The following COQ2 variants were observed in gnomAD, a reference collection of about 807,000 sequenced individuals.
The protein encoded by COQ2 is 4-hydroxybenzoate polyprenyltransferase, mitochondrial.
In COQ2, 25 loss-of-function variants were observed where a neutral mutation model predicts 35.7. The ratio of observed to expected loss-of-function variants is 0.70; its 90% confidence interval spans 0.51 to 0.98. The LOEUF is 0.98. COQ2 is among the 50% of genes least tolerant of loss of function. The probability of loss-of-function intolerance (pLI) is 0.00; values close to 1 mark genes in which losing one functional copy is unlikely to be tolerated. For missense variants in COQ2, 488 were observed against 473.5 expected (o/e 1.03, Z -0.28); for synonymous variants, 206 against 186.2 (o/e 1.11, Z -0.86).
chr4:83,280,081 T>G (rs1314353592), intron 1 of COQ2, among the ~76,000 whole-genome samples: 1 of 152,080 alleles, frequency 6.6e-6, no homozygotes, highest in Non-Finnish European at 1.5e-5. Flanking sequence ...CGTCCCACCT[T>G]GGCCTCCCAA....
upstream of COQ2, chr4:83,285,036 G>A (rs1019824789): frequency 2.8e-5 from 20 of 720,388 alleles, no homozygotes; most frequent in Non-Finnish European, 3.9e-5. Context: ...TGACTTTGTG[G>A]TTCCATTATC....
intron 2 of COQ2, among the ~76,000 whole-genome samples, chr4:83,274,938 C>T (rs1008318917): frequency 6.6e-6 from 1 of 152,206 alleles, no homozygotes; most frequent in Non-Finnish European, 1.5e-5. Context: ...CTCCATTCTG[C>T]TGTTGGGCCC....
chr4:83,276,070 T>TATATATAATATA (rs1553916306), intron 2 of COQ2, among the ~76,000 whole-genome samples: 3,249 of 66,618 alleles, frequency 0.049, 153 homozygotes, highest in African/African-American at 0.14. Flanking sequence ...ATATATATTT[T>TATATATAATATA]ATATATAATA....
At chr4:83,274,253 GCA>G (rs1271994150) in intron 2 of COQ2, among the ~76,000 whole-genome samples, 1 of 152,032 alleles carries the variant, frequency 6.6e-6, no homozygotes, top group Non-Finnish European at 1.5e-5. Flanking sequence ...TTACGAAGTG[GCA>G]CAATCTCAGC....
At chr4:83,274,961 A>G (rs1015907199) in intron 2 of COQ2, among the ~76,000 whole-genome samples, 1 of 152,112 alleles carries the variant, frequency 6.6e-6, no homozygotes, top group Non-Finnish European at 1.5e-5. Flanking sequence ...CCACTGAATT[A>G]TTATTACAAT....
rs1279731084 is a variant in COQ2, at chr4:83,284,686, G to A, written c.79C>T (p.Arg27Cys). 1.4e-6 allele frequency: 2 copies of A among 1,472,372 alleles called. No homozygotes were observed. Among genetic ancestry groups the A allele is most frequent in the Non-Finnish European group, 8.9e-7 (1 of 1,118,130 alleles). The allele number at this position is 1,472,372 out of a possible 1,614,324, so 91.2% of individuals were successfully genotyped here. Residue 27 changes from arginine to cysteine, a missense_variant, in exon 1 of 7, where the codon CGC becomes TGC. Arg to Cys is a radical substitution (Grantham distance 180). Transcript: ENST00000647002. Reference protein sequence around the residue: ...ALAWLPGWRGRSFALARAAGA... With the variant: ...ALAWLPGWRGCSFALARAAGA... ...GCCGCACGCGCCAGGGCGAAGGAGC[G>A]GCCCCGCCAGCCCGGCAGCCACGCC...
intron 2 of COQ2, among the ~76,000 whole-genome samples, chr4:83,278,179 AATTG>A (rs1268394899): frequency 6.6e-6 from 1 of 152,180 alleles, no homozygotes; most frequent in Non-Finnish European, 1.5e-5. Flanking sequence ...ATCAAATTTC[AATTG>A]ATTATTTACT....
intron 4 of COQ2, among the ~76,000 whole-genome samples, chr4:83,271,083 G>T (rs113935545): frequency 2.0e-5 from 3 of 152,120 alleles, no homozygotes; most frequent in African/African-American, 7.2e-5. Flanking sequence ...CAAAGAACTA[G>T]AATCATTCTA....
intron 4 of COQ2, 52 bp from the exon 5 acceptor site, chr4:83,270,045 C>T (rs930323146): frequency 1.9e-6 from 3 of 1,585,770 alleles, no homozygotes; most frequent in Non-Finnish European, 2.6e-6. Context: ...ACTTTAGAAT[C>T]CTAAAGGGAA....
At chr4:83,276,911 T>C (rs1029755652) in intron 2 of COQ2, among the ~76,000 whole-genome samples, 2 of 152,154 alleles carry the variant, frequency 1.3e-5, no homozygotes, top group African/African-American at 4.8e-5. Flanking sequence ...AACTGGAGGC[T>C]ATTATTCTTA....
At chr4:83,266,950 T>C (rs1294774013) in intron 6 of COQ2, 2 of 287,106 alleles carry the variant, frequency 7.0e-6, no homozygotes, top group East Asian at 1.2e-4. Context: ...TCTGTCAGTT[T>C]GCTTTTAGAG....
At chr4:83,266,241 C>T (rs544610610) in intron 6 of COQ2, among the ~76,000 whole-genome samples, 9 of 152,216 alleles carry the variant, frequency 5.9e-5, no homozygotes, top group Non-Finnish European at 1.3e-4. Flanking sequence ...ACTTTACAGA[C>T]ATCAGATTCT....
At chr4:83,277,038 A>C (rs1257778624) in intron 2 of COQ2, among the ~76,000 whole-genome samples, 2 of 96,630 alleles carry the variant, frequency 2.1e-5, no homozygotes, top group African/African-American at 7.9e-5. Context: ...AGACTCCAAA[A>C]GGTGGGAGGG....
intron 2 of COQ2, among the ~76,000 whole-genome samples, chr4:83,276,080 ATATATAT>A (rs1460179220): frequency 7.0e-6 from 1 of 143,522 alleles, no homozygotes; most frequent in African/African-American, 2.6e-5. Context: ...TATATATAAT[ATATATAT>A]ACATATTCAT....
At chr4:83,279,759 G>C (rs2126175637) in intron 1 of COQ2, among the ~76,000 whole-genome samples, 1 of 151,696 alleles carries the variant, frequency 6.6e-6, no homozygotes, top group Admixed American at 6.6e-5. Context: ...CTATACCCTG[G>C]CACCTTCTGA....
At chr4:83,264,532 G>C (rs181791469) in intron 6 of COQ2, among the ~76,000 whole-genome samples, 169 bp from the exon 7 acceptor site, 162 of 152,270 alleles carry the variant, frequency 1.1e-3, no homozygotes, top group African/African-American at 3.8e-3. Flanking sequence ...AGCTACTCAA[G>C]AGGCTGAGGT....
At position 83,284,790 on chromosome 4, in the gene COQ2, C is replaced by G. The variant is rs771453543; in HGVS notation, c.-26G>C. ...GGCGCTGGTGAGGCCGGGACGAGCT[C>G]GGATTGACGTCATTCCCCGGCAGGC... On this transcript the variant is annotated 5_prime_UTR_variant, in exon 1 of 7. Transcript: ENST00000647002. The G allele has an allele frequency of 1.7e-5, 26 of 1,568,138 alleles. No individual in the cohort carries two copies. The Middle Eastern group carries it at 5.0e-4, about 30-fold the overall frequency.
chr4:83,273,439 A>G, intron 3 of COQ2, 57 bp downstream of exon 3: 2 of 1,523,408 alleles, frequency 1.3e-6, no homozygotes, highest in Non-Finnish European at 8.9e-7. Flanking sequence ...TTTTATTCCT[A>G]TTTTCTCCAT....
At chr4:83,284,880 C>G, upstream of COQ2, 1 of 1,525,808 alleles carries the variant, frequency 6.6e-7, no homozygotes, top group Non-Finnish European at 8.8e-7. Flanking sequence ...GTGGGCAGAA[C>G]CTTTCCTCAT....
Sources: allele counts gnomAD v4.1 joint callset (sites outside exome capture counted in the v4.1 genomes callset), GRCh38; gene constraint gnomAD v4.1.1; transcripts MANE v1.5; gene names NCBI Gene and HGNC (gene_info 2026-07-23, HGNC 2026-07-21).